GIPC2: variants seen among roughly 807,000 people sequenced by gnomAD.
GIPC2 encodes the protein GIPC PDZ domain containing family member 2.
In GIPC2, 30 loss-of-function variants were observed where a neutral mutation model predicts 30.6. That is an observed-to-expected ratio of 0.98 (90% CI 0.73 to 1.33). GIPC2 has a LOEUF of 1.33. GIPC2 is among the 40% of genes most tolerant of loss of function. The pLI, the probability that GIPC2 is intolerant of heterozygous loss-of-function variation, is 0.00. For missense variants in GIPC2, 414 were observed against 390.3 expected (o/e 1.06, Z -0.51); for synonymous variants, 167 against 150.0 (o/e 1.11, Z -0.83).
intron 2 of GIPC2, among the ~76,000 whole-genome samples, chr1:78,082,682 G>C (rs1158065304): frequency 6.6e-6 from 1 of 152,160 alleles, no homozygotes; most frequent in East Asian, 1.9e-4. Flanking sequence ...CTAGTCACTA[G>C]CCCTGTGGAG....
rs374969449 is a variant in GIPC2 at position 78,046,039 on chromosome 1, G to A, written c.-56G>A. 9 of 1,399,808 alleles carry A rather than the reference G, an allele frequency of 6.4e-6. No homozygotes were observed. The highest frequency in any genetic ancestry group is 8.3e-6 in the Non-Finnish European group (9 of 1,079,496). 86.7% of individuals were successfully genotyped at this position (1,399,808 alleles called of 1,614,324 possible). On this transcript the variant is annotated 5_prime_UTR_variant, in exon 1 of 6. Coordinates refer to ENST00000370759, the MANE Select transcript of GIPC2 (RefSeq NM_017655.6). ...CCGGGGCGCAAAGTCCGAGGCGCCG[G>A]GGGGAGGAGGCGGCGGACGGCAGCG...
At chr1:78,126,800 G>A (rs920798642) in intron 5 of GIPC2, among the ~76,000 whole-genome samples, 20 of 152,166 alleles carry the variant, frequency 1.3e-4, no homozygotes, top group African/African-American at 4.8e-4. Context: ...ATGAGAAAGA[G>A]GGAGGACCTC....
At chr1:78,047,941 T>G (rs1661126494) in intron 1 of GIPC2, among the ~76,000 whole-genome samples, 1 of 152,232 alleles carries the variant, frequency 6.6e-6, no homozygotes, top group Non-Finnish European at 1.5e-5. Flanking sequence ...CTTGTTAGCA[T>G]ACTTAACTGA....
intron 4 of GIPC2, among the ~76,000 whole-genome samples, chr1:78,125,073 C>T (rs151222735): frequency 5.4e-4 from 82 of 152,196 alleles, no homozygotes; most frequent in African/African-American, 1.9e-3. Context: ...GTCCTGTTGC[C>T]GGGTTGGAGG....
chr1:78,120,444 C>T (rs564385523), intron 4 of GIPC2, among the ~76,000 whole-genome samples: 96 of 152,170 alleles, frequency 6.3e-4, no homozygotes, highest in Non-Finnish European at 8.5e-4. Flanking sequence ...AGGCCTTTCC[C>T]GAGCATCCTG....
At chr1:78,076,985 G>A (rs188901049) in intron 1 of GIPC2, among the ~76,000 whole-genome samples, 2 of 151,588 alleles carry the variant, frequency 1.3e-5, no homozygotes, top group Non-Finnish European at 2.9e-5. Flanking sequence ...GGCCAGGCTA[G>A]TCTCGAACTC....
chr1:78,046,076 G>C lies in GIPC2; in HGVS notation c.-19G>C. The C allele has an allele frequency of 7.1e-7, 1 of 1,413,292 alleles. No individual in the cohort carries two copies. The highest frequency in any genetic ancestry group is 9.2e-7 in the Non-Finnish European group (1 of 1,087,268). The allele number at this position is 1,413,292 out of a possible 1,614,324, so 87.5% of individuals were successfully genotyped here. A position where few individuals can be genotyped will look rare whatever the true frequency, so the allele number is the denominator to read the frequency against. On this transcript the variant is annotated 5_prime_UTR_variant, in exon 1 of 6. Transcript: ENST00000370759. The stretch of plus-strand genomic sequence containing the variant: ...GGCGGACGGCAGCGCAGGTGGGCCC[G>C]CGCTCTCGGCCCTGCAAGATGCCCC...
At chr1:78,114,540 C>CT (rs1662533861) in intron 3 of GIPC2, among the ~76,000 whole-genome samples, 1 of 152,070 alleles carries the variant, frequency 6.6e-6, no homozygotes. Flanking sequence ...TGAAAACTGC[C>CT]CTCTGGAGGC....
chr1:78,121,359 T>A (rs1662680115), intron 4 of GIPC2, among the ~76,000 whole-genome samples: 1 of 152,148 alleles, frequency 6.6e-6, no homozygotes, highest in African/African-American at 2.4e-5. Flanking sequence ...CTAGGGTCTC[T>A]CTGTATGTGA....
At chr1:78,107,383 A>C (rs1662374978) in intron 3 of GIPC2, among the ~76,000 whole-genome samples, 1 of 151,904 alleles carries the variant, frequency 6.6e-6, no homozygotes, top group African/African-American at 2.4e-5. Flanking sequence ...GGGCTCAAGC[A>C]GTATGCCAGC....
intron 3 of GIPC2, among the ~76,000 whole-genome samples, chr1:78,099,145 C>T (rs185661726): frequency 7.9e-5 from 12 of 152,046 alleles, no homozygotes. Flanking sequence ...TCCATTCAGA[C>T]ATTTGTTGAG....
At chr1:78,109,894 G>A (rs927919758) in intron 3 of GIPC2, among the ~76,000 whole-genome samples, 1 of 152,158 alleles carries the variant, frequency 6.6e-6, no homozygotes, top group Non-Finnish European at 1.5e-5. Flanking sequence ...GTAGGGACGT[G>A]GATGAAGCTA....
intron 3 of GIPC2, among the ~76,000 whole-genome samples, chr1:78,117,341 C>T (rs537536160): frequency 1.0e-3 from 157 of 152,278 alleles, no homozygotes; most frequent in African/African-American, 3.4e-3. Flanking sequence ...CAGTTGTCTC[C>T]GGTTCTTTAG....
chr1:78,092,383 A>C (rs1423511575), intron 2 of GIPC2, among the ~76,000 whole-genome samples: 3 of 152,170 alleles, frequency 2.0e-5, no homozygotes. Flanking sequence ...ATAAATAAAT[A>C]AATCTTCTCT....
Position 78,094,975 on chromosome 1 carries a change from T to A in GIPC2, c.450T>A (p.Ile150=), listed in dbSNP as rs770436959. The change falls in exon 3 of 6, where the codon ATT becomes ATA. Residue 150 remains isoleucine, a synonymous_variant. Transcript: ENST00000370759. ...FIKRIKDGGV[I]DSVKTICVGD... ...AGAGAATTAAAGATGGTGGTGTTATTGACTCAGTTAAAACAATCTGTGTTG... is the reference window on the plus strand; with the variant it reads ...AGAGAATTAAAGATGGTGGTGTTATAGACTCAGTTAAAACAATCTGTGTTG... 1.2e-6 allele frequency: 2 copies of A among 1,600,152 alleles called. No homozygotes were observed. Among genetic ancestry groups the A allele is most frequent in the South Asian group, 2.2e-5 (2 of 90,670 alleles).
intron 3 of GIPC2, among the ~76,000 whole-genome samples, chr1:78,118,488 T>C (rs1662614110): frequency 6.6e-6 from 1 of 152,174 alleles, no homozygotes; most frequent in Non-Finnish European, 1.5e-5. Flanking sequence ...TCATTTATGT[T>C]ACTGCTTGGT....
chr1:78,078,410 C>G lies in GIPC2; in HGVS notation c.241-2265C>G, dbSNP rs1004304673. On this transcript the variant is annotated intron_variant, in intron 1 of 5. Transcript: ENST00000370759. Reference sequence around the variant, plus strand: ...TACCTGCTGCTCTTATTCCACCTTGCAGTGGCTATCACATTCCTACAGGTT... The same window carrying G: ...TACCTGCTGCTCTTATTCCACCTTGGAGTGGCTATCACATTCCTACAGGTT... Among the ~76,000 whole-genome samples the G allele has an allele frequency of 3.9e-5, 6 of 152,146 alleles. No individual in the cohort carries two copies. The South Asian group carries it at 8.3e-4, about 21-fold the overall frequency.
rs149584804 is a variant in GIPC2, at chr1:78,137,674, A to G, written c.*1931A>G. The G allele has an allele frequency of 1.3e-5, 2 of 152,174 alleles. No homozygotes were observed. Among genetic ancestry groups the G allele is most frequent in the African/African-American group, 2.4e-5 (1 of 41,442 alleles). The allele number at this position is 152,174 out of a possible 1,614,324, so 9.4% of individuals were successfully genotyped here. A position where few individuals can be genotyped will look rare whatever the true frequency, so the allele number is the denominator to read the frequency against. ...CTATCATCACATTACCTGGGCTTCA[A>G]CTGGGCCCAAGTACTCTATATACTG... On this transcript the variant is annotated 3_prime_UTR_variant, in exon 6 of 6. Coordinates refer to ENST00000370759, the MANE Select transcript of GIPC2 (RefSeq NM_017655.6).
In GIPC2 at chr1:78,074,782, G is replaced by A. The variant is rs749508591; in HGVS notation, c.241-5893G>A. Among the ~76,000 whole-genome samples, 26 of 152,190 alleles carry A rather than the reference G, an allele frequency of 1.7e-4. 1 individual carries two copies. Among genetic ancestry groups the A allele is most frequent in the Non-Finnish European group, 3.1e-4 (21 of 68,034 alleles). ...TTTATTTTACTGATATTGGAAGTAAGGAGGAGAGATTGTCTGAAATTTTTG... is the reference window on the plus strand; with the variant it reads ...TTTATTTTACTGATATTGGAAGTAAAGAGGAGAGATTGTCTGAAATTTTTG... On this transcript the variant is annotated intron_variant, in intron 1 of 5. Transcript: ENST00000370759.
Sources: allele counts gnomAD v4.1 joint callset (sites outside exome capture counted in the v4.1 genomes callset), GRCh38; gene constraint gnomAD v4.1.1; transcripts MANE v1.5; gene names NCBI Gene and HGNC (gene_info 2026-07-23, HGNC 2026-07-21).